ARHGEF18: variants seen among roughly 807,000 people sequenced by gnomAD.
ARHGEF18 encodes Rho/Rac guanine nucleotide exchange factor 18.
ARHGEF18 carries 93 observed loss-of-function variants against 155.7 expected under a neutral mutation model. The observed-to-expected ratio is 0.60, with a 90% confidence interval of 0.50 to 0.71. The LOEUF is 0.71. Ranked by LOEUF, ARHGEF18 falls within the 30% of genes least tolerant of loss-of-function variation. The pLI is 0.00. For synonymous variants in ARHGEF18, 742 were observed against 753.1 expected, an observed-to-expected ratio of 0.99 and a Z score of 0.24; for missense variants, 1,593 against 1,816.1, an observed-to-expected ratio of 0.88 and a Z score of 2.23.
chr19:7,417,247 T>G (rs1479476390), intron 10 of ARHGEF18, among the ~76,000 whole-genome samples: 1 of 152,072 alleles, frequency 6.6e-6, no homozygotes, highest in Non-Finnish European at 1.5e-5. Flanking sequence ...CCTCTGGGGC[T>G]TCACTGAGAA....
At chr19:7,391,837 C>T (rs1037954126) in intron 10 of ARHGEF18, among the ~76,000 whole-genome samples, 7 of 152,064 alleles carry the variant, frequency 4.6e-5, no homozygotes, top group Admixed American at 6.6e-5. Flanking sequence ...CCACCACCAC[C>T]GAGAATTATC....
In ARHGEF18 at chr19:7,382,851, G is replaced by C. The variant is rs1414497852; in HGVS notation, c.782G>C (p.Arg261Thr). 7.3e-6 allele frequency: 9 copies of C among 1,232,610 alleles called. No individual in the cohort carries two copies. Among genetic ancestry groups the C allele is most frequent in the Non-Finnish European group, 9.1e-6 (9 of 988,116 alleles). The allele number at this position is 1,232,610 out of a possible 1,614,324, so 76.4% of individuals were successfully genotyped here. Residue 261 changes from arginine (R) to threonine (T), a missense_variant, in exon 9 of 29, where the codon AGG (arginine) becomes ACG (threonine). Physicochemically the swap from Arg to Thr is moderately conservative, Grantham distance 71 (BLOSUM62 -1). Transcript: ENST00000668164. ...KSDKSTSVKR[R>T]LSCLRSRVTR... ...GACAAGAGTACCAGTGTGAAGCGCA[G>C]GCTGAGCTGCCTCCGCAGTCGAGTG... is the stretch of plus-strand genomic sequence containing the variant.
At chr19:7,466,071 A>C (rs779489354) in intron 23 of ARHGEF18, among the ~76,000 whole-genome samples, 92 of 151,626 alleles carry the variant, frequency 6.1e-4, no homozygotes, top group Non-Finnish European at 1.0e-3. Context: ...GCGACCAAGC[A>C]AGACTTTGTT....
At chr19:7,353,187 A>G (rs1225679001) in intron 1 of ARHGEF18, among the ~76,000 whole-genome samples, 1 of 150,992 alleles carries the variant, frequency 6.6e-6, no homozygotes, top group Non-Finnish European at 1.5e-5. Context: ...CTGACTGCCA[A>G]TGCCTTCCAA....
chr19:7,415,676 G>A (rs1019247449), intron 10 of ARHGEF18, among the ~76,000 whole-genome samples: 3 of 151,746 alleles, frequency 2.0e-5, no homozygotes, highest in African/African-American at 7.3e-5. Flanking sequence ...TCCCTGAAGC[G>A]CGTATTTGTT....
At chr19:7,358,707 C>G (rs937375320) in intron 1 of ARHGEF18, among the ~76,000 whole-genome samples, 53 of 152,308 alleles carry the variant, frequency 3.5e-4, no homozygotes, top group African/African-American at 1.3e-3. Flanking sequence ...ATTTGACTCC[C>G]AGCTCTACCT....
chr19:7,429,979 A>G (rs1454867482), intron 10 of ARHGEF18, among the ~76,000 whole-genome samples: 1 of 146,926 alleles, frequency 6.8e-6, no homozygotes, highest in Non-Finnish European at 1.5e-5. Flanking sequence ...TTTTTTTTTT[A>G]AGGAAACTAT....
At chr19:7,409,395 G>A (rs867115402) in intron 10 of ARHGEF18, among the ~76,000 whole-genome samples, 1 of 147,560 alleles carries the variant, frequency 6.8e-6, no homozygotes, top group Non-Finnish European at 1.5e-5. Context: ...TGGCCTCTGT[G>A]AGAGTTTGGA....
chr19:7,465,772 C>T (rs895867584), intron 23 of ARHGEF18, among the ~76,000 whole-genome samples: 13 of 152,046 alleles, frequency 8.6e-5, no homozygotes, highest in African/African-American at 2.7e-4. Flanking sequence ...GACCACATGT[C>T]GACAAAATAT....
chr19:7,358,369 C>T (rs1188893627), intron 1 of ARHGEF18, among the ~76,000 whole-genome samples: 4 of 151,992 alleles, frequency 2.6e-5, no homozygotes, highest in Non-Finnish European at 5.9e-5. Flanking sequence ...CCCATCCACT[C>T]ATACATCCAA....
At chr19:7,397,097 GAAA>G (rs35973104) in intron 10 of ARHGEF18, among the ~76,000 whole-genome samples, 60 of 62,314 alleles carry the variant, frequency 9.6e-4, no homozygotes, top group African/African-American at 2.4e-3. Flanking sequence ...GCCTTTTTGC[GAAA>G]AAAAAAAAAA....
At chr19:7,474,754 AGTGTGT>A (rs3219570), downstream of ARHGEF18, among the ~76,000 whole-genome samples, 37 of 142,034 alleles carry the variant, frequency 2.6e-4, no homozygotes, top group East Asian at 2.3e-3. Context: ...TGGGCATTGG[AGTGTGT>A]GTGTGTGTGT....
intron 5 of ARHGEF18, among the ~76,000 whole-genome samples, chr19:7,377,937 G>A (rs527329286): frequency 1.3e-5 from 2 of 151,942 alleles, no homozygotes; most frequent in South Asian, 2.1e-4. Flanking sequence ...ATATAAAAAC[G>A]CAAGAATTAG....
chr19:7,472,881 T>G (rs1030678240), downstream of ARHGEF18: 1 of 427,436 alleles, frequency 2.3e-6, no homozygotes, highest in African/African-American at 2.0e-5. Flanking sequence ...TGTATTTTTT[T>G]AGTAGACATG....
Position 7,360,269 on chromosome 19 carries a change from T to C in ARHGEF18, c.-110-2512T>C, listed in dbSNP as rs562782824. Among the ~76,000 whole-genome samples the C allele has an allele frequency of 8.6e-5, 13 of 151,554 alleles. No individual in the cohort carries two copies. The South Asian group carries it at 2.5e-3, about 29-fold the overall frequency. On this transcript the variant is annotated intron_variant, in intron 1 of 28. Transcript: ENST00000668164. Reference sequence around the variant, plus strand: ...TTTTTTCTTTGAGACAGAGTCTCACTCTGTCACCCAGGCTGGAGTGCAATG... The same window carrying C: ...TTTTTTCTTTGAGACAGAGTCTCACCCTGTCACCCAGGCTGGAGTGCAATG...
chr19:7,354,177 T>G (rs1969226303), intron 1 of ARHGEF18, among the ~76,000 whole-genome samples: 1 of 151,470 alleles, frequency 6.6e-6, no homozygotes, highest in African/African-American at 2.4e-5. Context: ...AATAGCCAAG[T>G]GTGATAGCAT....
At chr19:7,439,649 G>C (rs916457025) in intron 10 of ARHGEF18, 3 of 1,137,554 alleles carry the variant, frequency 2.6e-6, no homozygotes, top group Non-Finnish European at 3.2e-6. Flanking sequence ...CCACTTCGAT[G>C]CTAGAATTCT....
At chr19:7,421,590 C>T (rs1051246743) in intron 10 of ARHGEF18, among the ~76,000 whole-genome samples, 15 of 152,000 alleles carry the variant, frequency 9.9e-5, no homozygotes, top group African/African-American at 2.4e-4. Context: ...GGTGAAAACC[C>T]GTCTCTACTA....
chr19:7,376,212 G>A (rs1230213157), intron 4 of ARHGEF18, among the ~76,000 whole-genome samples: 1 of 152,162 alleles, frequency 6.6e-6, no homozygotes, highest in African/African-American at 2.4e-5. Context: ...GCAGCCGGAA[G>A]GCAGCTGTGT....
Sources: gnomAD v4.1 joint callset for allele counts (sites outside exome capture counted in the v4.1 genomes callset) on GRCh38, gnomAD v4.1.1 for gene constraint, MANE v1.5 for transcripts, NCBI Gene and HGNC (gene_info 2026-07-23, HGNC 2026-07-21) for gene names.